Variants in CNTLN observed in about 807,000 individuals in gnomAD.
The protein encoded by CNTLN is centlein, centrosomal protein.
In CNTLN, 212 loss-of-function variants were observed where a neutral mutation model predicts 180.0. That is an observed-to-expected ratio of 1.18 (90% CI 1.05 to 1.32). The LOEUF (loss-of-function observed/expected upper bound fraction) is 1.32, where lower values mean the gene tolerates loss of function less well. Among genes scored for constraint, CNTLN ranks in the 40% most tolerant of loss-of-function variants. The pLI is 0.00. For missense variants in CNTLN, 2,095 were observed against 1,610.9 expected, an observed-to-expected ratio of 1.30 and a Z score of -5.14; for synonymous variants, 722 against 563.1, an observed-to-expected ratio of 1.28 and a Z score of -3.99.
intron 2 of CNTLN, among the ~76,000 whole-genome samples, chr9:17,175,944 G>T (rs1044056220): frequency 6.6e-6 from 1 of 151,852 alleles, no homozygotes; most frequent in African/African-American, 2.4e-5. Context: ...AAGGATTTCC[G>T]TGTGCACTTA....
In CNTLN at chr9:17,302,109, CACACACACACAG is replaced by C. The variant is rs1344118308; in HGVS notation, c.1146+3769_1146+3780del. ...ATGTGTACACACACACACACACACACACACACACACAGACACACACACACTGACCTATCCACC... is the reference window on the plus strand; with the variant it reads ...ATGTGTACACACACACACACACACACACACACACACACTGACCTATCCACC... On this transcript the variant is annotated intron_variant, in intron 7 of 25. Coordinates refer to ENST00000380647, the MANE Select transcript of CNTLN (RefSeq NM_017738.4). 4.5e-4 allele frequency: 345 copies of C among 759,882 alleles called. 2 individuals are homozygous for C. The Middle Eastern group carries it at 6.8e-3, about 15-fold the overall frequency. 47.1% of individuals were successfully genotyped at this position (759,882 alleles called of 1,614,324 possible). A position where few individuals can be genotyped will look rare whatever the true frequency, so the allele number is the denominator to read the frequency against.
intron 21 of CNTLN, among the ~76,000 whole-genome samples, 193 bp downstream of exon 21, chr9:17,464,816 T>G (rs1329760336): frequency 6.6e-6 from 1 of 151,198 alleles, no homozygotes; most frequent in East Asian, 1.9e-4. Context: ...ACCTCATACA[T>G]AATATGGCCA....
intron 6 of CNTLN, among the ~76,000 whole-genome samples, chr9:17,289,814 T>G: frequency 7.0e-6 from 1 of 141,944 alleles, no homozygotes; most frequent in Admixed American, 7.0e-5. Context: ...CTCCTGAGGC[T>G]TCTGCATTGT....
At chr9:17,351,704 C>G (rs1033899603) in intron 12 of CNTLN, among the ~76,000 whole-genome samples, 1 of 152,092 alleles carries the variant, frequency 6.6e-6, no homozygotes, top group African/African-American at 2.4e-5. Flanking sequence ...CTAGAATAAA[C>G]TCATAAACAT....
chr9:17,356,383 C>T (rs113461813), intron 12 of CNTLN, among the ~76,000 whole-genome samples: 4,463 of 152,146 alleles, frequency 0.029, 156 homozygotes, highest in African/African-American at 0.084. Flanking sequence ...TAAGATTAAC[C>T]TAAAACCTAA....
Position 17,486,871 on chromosome 9 carries a change from A to G in CNTLN, c.4042-118A>G. ...AAATATTTCTACTTTGAGATGACAGACTGTTCTTTGTTGAATCTAATTCTA... is the reference window on the plus strand; with the variant it reads ...AAATATTTCTACTTTGAGATGACAGGCTGTTCTTTGTTGAATCTAATTCTA... On this transcript the variant is annotated intron_variant, in intron 24 of 25. Coordinates refer to ENST00000380647, the MANE Select transcript of CNTLN (RefSeq NM_017738.4). 8 of 591,496 alleles carry G rather than the reference A, an allele frequency of 1.4e-5. 1 individual carries two copies. The South Asian group carries it at 1.8e-4, about 13-fold the overall frequency. 36.6% of individuals were successfully genotyped at this position (591,496 alleles called of 1,614,324 possible).
chr9:17,273,630 CTA>C (rs1491080399), intron 5 of CNTLN, 101 bp from the exon 6 acceptor site: 16 of 593,066 alleles, frequency 2.7e-5, no homozygotes, highest in Admixed American at 1.7e-4. Context: ...AAAATTAAAA[CTA>C]TTTTTCTCTG....
chr9:17,522,373 G>A, the CNTLN span, among the ~76,000 whole-genome samples: 4 of 152,092 alleles, frequency 2.6e-5, no homozygotes, highest in Admixed American at 2.6e-4. Flanking sequence ...CCGCTAACTT[G>A]CCCAAGATTC....
intron 5 of CNTLN, among the ~76,000 whole-genome samples, chr9:17,259,483 G>T (rs1057147549): frequency 2.7e-5 from 4 of 148,764 alleles, no homozygotes; most frequent in Non-Finnish European, 5.9e-5. Context: ...AATGATGCTG[G>T]CCTCATAAAA....
chr9:17,249,873 C>T (rs564412574), intron 5 of CNTLN, among the ~76,000 whole-genome samples: 15 of 147,780 alleles, frequency 1.0e-4, no homozygotes, highest in Middle Eastern at 3.4e-3. Context: ...TAGAGTATTT[C>T]GTATATGCCT....
chr9:17,257,307 C>G (rs1826580101), intron 5 of CNTLN, among the ~76,000 whole-genome samples: 1 of 152,104 alleles, frequency 6.6e-6, no homozygotes, highest in African/African-American at 2.4e-5. Context: ...GACATGAACT[C>G]ATCATTTTTT....
chr9:17,142,157 C>T (rs902947058), intron 1 of CNTLN, among the ~76,000 whole-genome samples: 33 of 152,110 alleles, frequency 2.2e-4, no homozygotes, highest in Middle Eastern at 3.4e-3. Context: ...CCCTAACACC[C>T]GGCTCATAGG....
chr9:17,472,665 G>A (rs1396077187), intron 23 of CNTLN, among the ~76,000 whole-genome samples: 1 of 151,956 alleles, frequency 6.6e-6, no homozygotes, highest in African/African-American at 2.4e-5. Context: ...CAGGAGCCAG[G>A]GTGGTTAAAA....
intron 2 of CNTLN, among the ~76,000 whole-genome samples, chr9:17,147,234 C>G (rs1337657292): frequency 6.6e-6 from 1 of 152,134 alleles, no homozygotes; most frequent in Non-Finnish European, 1.5e-5. Flanking sequence ...TCCTTTAAGT[C>G]AGGCCCTTTT....
chr9:17,473,746 C>G (rs1832167904), intron 23 of CNTLN, among the ~76,000 whole-genome samples: 1 of 152,128 alleles, frequency 6.6e-6, no homozygotes, highest in Non-Finnish European at 1.5e-5. Flanking sequence ...CTGTTTTGAA[C>G]CTTCTCCAAT....
chr9:17,460,557 G>T (rs1831392378), intron 19 of CNTLN, among the ~76,000 whole-genome samples: 1 of 151,702 alleles, frequency 6.6e-6, no homozygotes, highest in Non-Finnish European at 1.5e-5. Flanking sequence ...GAGGTCTAAA[G>T]CAGGGATACC....
At chr9:17,197,271 C>T (rs1431116695) in intron 2 of CNTLN, among the ~76,000 whole-genome samples, 1 of 152,108 alleles carries the variant, frequency 6.6e-6, no homozygotes, top group Non-Finnish European at 1.5e-5. Context: ...ACAAGAGTTC[C>T]CTTTTCTCCA....
At chr9:17,193,784 G>T (rs1039238663) in intron 2 of CNTLN, among the ~76,000 whole-genome samples, 1 of 152,204 alleles carries the variant, frequency 6.6e-6, no homozygotes, top group African/African-American at 2.4e-5. Context: ...TGGGGGCTCC[G>T]ATTCCACATT....
At chr9:17,269,450 T>A (rs1279449644) in intron 5 of CNTLN, among the ~76,000 whole-genome samples, 1 of 152,110 alleles carries the variant, frequency 6.6e-6, no homozygotes. Context: ...AAGTTTTGGT[T>A]TTGGTATGTT....
Sources: allele counts gnomAD v4.1 joint callset (sites outside exome capture counted in the v4.1 genomes callset), GRCh38; gene constraint gnomAD v4.1.1; transcripts MANE v1.5; gene names NCBI Gene and HGNC (gene_info 2026-07-23, HGNC 2026-07-21).